Variants in DNAH7 observed in about 807,000 individuals in gnomAD.
DNAH7 encodes dynein axonemal heavy chain 7.
DNAH7 carries 397 observed loss-of-function variants against 444.6 expected under a neutral mutation model. The ratio of observed to expected loss-of-function variants is 0.89; its 90% CI spans 0.82 to 0.97. The LOEUF is 0.97. Ranked by LOEUF, DNAH7 falls within the 50% of genes least tolerant of loss-of-function variation. DNAH7 has a pLI of 0.00. For synonymous variants in DNAH7, 1,636 were observed against 1,624.4 expected (o/e 1.01, Z -0.17); for missense variants, 4,902 against 4,800.8 (o/e 1.02, Z -0.62).
intron 54 of DNAH7, among the ~76,000 whole-genome samples, chr2:195,800,507 A>T (rs1267480797): frequency 1.3e-5 from 2 of 152,218 alleles, no homozygotes; most frequent in Admixed American, 1.3e-4. Context: ...AATATATAGC[A>T]AAGCAAGGAA....
At chr2:195,858,861 G>A in intron 42 of DNAH7, 57 bp from the exon 43 acceptor site, 1 of 1,441,576 alleles carries the variant, frequency 6.9e-7, no homozygotes, top group Non-Finnish European at 9.4e-7. Flanking sequence ...CTACATGAAG[G>A]AAAAACTTAA....
chr2:195,845,121 G>A lies in DNAH7; in HGVS notation c.8826C>T (p.Ile2942=). 6.2e-7 allele frequency: 1 copy of A among 1,613,372 alleles called. No homozygotes were observed. Among genetic ancestry groups the A allele is most frequent in the Non-Finnish European group, 8.5e-7 (1 of 1,179,712 alleles). ...EWTTLCKGRD[I]PCSDDCSLMG... is the part of the protein sequence containing the mutation. ...TAAGAGAGCAATCATCTGAGCAGGG[G>A]ATATCTCTTCCTTTGCACAAAGTTG... Residue 2942 remains isoleucine, a synonymous_variant, in exon 47 of 65, where the codon ATC becomes ATT. Coordinates refer to ENST00000312428, the MANE Select transcript of DNAH7 (RefSeq NM_018897.3).
chr2:196,007,003 TTAACA>T (rs1694418950), intron 10 of DNAH7, among the ~76,000 whole-genome samples: 1 of 152,216 alleles, frequency 6.6e-6, no homozygotes, highest in South Asian at 2.1e-4. Flanking sequence ...ATTGAAAGAC[TTAACA>T]TTATTAAGTT....
intron 19 of DNAH7, 49 bp from the exon 20 acceptor site, chr2:195,936,841 C>A: frequency 7.9e-7 from 1 of 1,260,754 alleles, no homozygotes. Flanking sequence ...TAGATACTAA[C>A]TCTATTTATA....
At chr2:195,989,125 A>T (rs1044312841) in intron 12 of DNAH7, among the ~76,000 whole-genome samples, 26 of 152,340 alleles carry the variant, frequency 1.7e-4, no homozygotes, top group African/African-American at 5.8e-4. Context: ...CTTGGTTATT[A>T]TGAATAGTGC....
chr2:195,747,165 A>T (rs1693470562), intron 63 of DNAH7, among the ~76,000 whole-genome samples: 1 of 151,926 alleles, frequency 6.6e-6, no homozygotes, highest in African/African-American at 2.4e-5. Context: ...GATAAAGGGG[A>T]TATCACCACC....
At position 195,906,685 on chromosome 2, in the gene DNAH7, G is replaced by A. The variant is rs201599303; in HGVS notation, c.4309C>T (p.Arg1437Ter). The change falls in exon 27 of 65, where the codon CGA becomes TGA. Residue 1437 changes from arginine to a stop codon, truncating the protein, a stop_gained. Coordinates refer to ENST00000312428, the MANE Select transcript of DNAH7 (RefSeq NM_018897.3). LOFTEE classifies it high-confidence loss of function. ...FITMNPGYAGRSELPDNLKAL... is the reference protein window; with the variant it reads ...FITMNPGYAG ...TTCAGGTTATCTGGCAGTTCTGATCGCCCAGCATACCCAGGGTTCATTGTT... is the reference window on the plus strand; with the variant it reads ...TTCAGGTTATCTGGCAGTTCTGATCACCCAGCATACCCAGGGTTCATTGTT... 864 of 1,611,800 alleles carry A rather than the reference G, an allele frequency of 5.4e-4. No individual in the cohort carries two copies. Among genetic ancestry groups the A allele is most frequent in the Middle Eastern group, 9.9e-4 (6 of 6,074 alleles).
chr2:195,765,905 T>A (rs1331484473), intron 61 of DNAH7, among the ~76,000 whole-genome samples: 1 of 152,048 alleles, frequency 6.6e-6, no homozygotes, highest in Non-Finnish European at 1.5e-5. Flanking sequence ...AATCAGTATA[T>A]TGAAGATATA....
At chr2:195,980,652 C>A (rs1022955625) in intron 15 of DNAH7, among the ~76,000 whole-genome samples, 4 of 152,110 alleles carry the variant, frequency 2.6e-5, no homozygotes, top group African/African-American at 9.7e-5. Context: ...TTAAAAAGGT[C>A]ATTCACCATG....
At chr2:195,873,457 T>G (rs1433740968) in intron 39 of DNAH7, 111 bp downstream of exon 39, 3 of 698,772 alleles carry the variant, frequency 4.3e-6, no homozygotes, top group Non-Finnish European at 6.2e-6. Context: ...CTGTTAACTT[T>G]TCCTTATCTA....
chr2:195,980,945 G>T (rs1470812397), intron 15 of DNAH7, among the ~76,000 whole-genome samples: 2 of 152,076 alleles, frequency 1.3e-5, no homozygotes, highest in East Asian at 3.8e-4. Flanking sequence ...ACACAACAAG[G>T]ATGCCAATTT....
intron 8 of DNAH7, among the ~76,000 whole-genome samples, chr2:196,023,522 T>G (rs911964652): frequency 6.6e-6 from 1 of 152,228 alleles, no homozygotes; most frequent in East Asian, 1.9e-4. Flanking sequence ...CAAACATTTC[T>G]TCTGCAGCTT....
chr2:195,957,762 A>G (rs1690787764), intron 18 of DNAH7, among the ~76,000 whole-genome samples: 2 of 152,122 alleles, frequency 1.3e-5, no homozygotes, highest in Non-Finnish European at 2.9e-5. Context: ...AAAGATAATA[A>G]TATAACATTT....
At chr2:195,998,789 A>G (rs1178557663) in intron 12 of DNAH7, 3 of 248,952 alleles carry the variant, frequency 1.2e-5, no homozygotes, top group African/African-American at 6.6e-5. Context: ...TGGTAGTATG[A>G]GGAATAGATA....
rs374844863 is a variant in DNAH7, at chr2:195,875,885, T to C, written c.6118-42A>G. 215 of 1,557,982 alleles carry C rather than the reference T, an allele frequency of 1.4e-4. 1 individual carries two copies. In the Middle Eastern group the frequency reaches 1.4e-3, roughly 10 times the overall value. ...AAGAGGTACAGAAAATATTAACATCTCAACATACAGTCCTATTGTGTAAAC... is the reference window on the plus strand; with the variant it reads ...AAGAGGTACAGAAAATATTAACATCCCAACATACAGTCCTATTGTGTAAAC... On this transcript the variant is annotated intron_variant, in intron 37 of 64. Transcript: ENST00000312428.
At chr2:195,778,633 TAAATAAATAA>T (rs1486189676) in intron 58 of DNAH7, among the ~76,000 whole-genome samples, 3 of 30,290 alleles carry the variant, frequency 9.9e-5, no homozygotes, top group African/African-American at 4.0e-4. Flanking sequence ...AAAAAAAAAA[TAAATAAATAA>T]ATATATATAT....
intron 54 of DNAH7, among the ~76,000 whole-genome samples, chr2:195,805,860 T>C (rs543320666): frequency 2.0e-5 from 3 of 152,158 alleles, no homozygotes; most frequent in African/African-American, 4.8e-5. Flanking sequence ...GTAGGGCTCA[T>C]AGAGGGAAAA....
rs111325050 is a variant in DNAH7 at position 195,770,977 on chromosome 2, T to C, written c.11433+683A>G. Among the ~76,000 whole-genome samples the C allele has an allele frequency of 4.3e-3, 639 of 150,278 alleles. 2 individuals are homozygous for C. The highest frequency in any genetic ancestry group is 0.015 in the African/African-American group (623 of 41,048). ...TCCCAAAGTGCTAGGATTACAGGCA[T>C]GAGCCACCACACTTGGCCAGTTTAT... On this transcript the variant is annotated intron_variant, in intron 61 of 64. Coordinates refer to ENST00000312428, the MANE Select transcript of DNAH7 (RefSeq NM_018897.3).
chr2:195,944,912 T>C lies in DNAH7; in HGVS notation c.3079-8120A>G, dbSNP rs553497574. Among the ~76,000 whole-genome samples, 12 of 152,078 alleles carry C rather than the reference T, an allele frequency of 7.9e-5. No homozygotes were observed. The East Asian group carries it at 1.9e-3, about 25-fold the overall frequency. ...CTTGTACTTCAAATTCTTATCATAT[T>C]GACCTATTCAAGCAGCCTCATGGTC... On this transcript the variant is annotated intron_variant, in intron 19 of 64. Coordinates refer to ENST00000312428, the MANE Select transcript of DNAH7 (RefSeq NM_018897.3).
Sources: allele counts gnomAD v4.1 joint callset (sites outside exome capture counted in the v4.1 genomes callset), GRCh38; gene constraint gnomAD v4.1.1; transcripts MANE v1.5; gene names NCBI Gene and HGNC (gene_info 2026-07-23, HGNC 2026-07-21).